BBS9: variants seen among roughly 807,000 people sequenced by gnomAD.
BBS9 encodes the protein protein PTHB1.
Under a neutral mutation model 117.7 loss-of-function variants are expected in BBS9, and 89 were observed. That is an observed-to-expected ratio of 0.76 (90% confidence interval 0.64 to 0.90). The LOEUF (loss-of-function observed/expected upper bound fraction) is 0.90. Ranked by LOEUF, BBS9 falls within the 40% of genes least tolerant of loss-of-function variation. BBS9 has a pLI of 0.00. For synonymous variants in BBS9, 379 were observed against 370.9 expected, an observed-to-expected ratio of 1.02 and a Z score of -0.25; for missense variants, 982 against 1,042.2, an observed-to-expected ratio of 0.94 and a Z score of 0.80.
At chr7:33,568,783 T>G (rs1563375174) in intron 21 of BBS9, among the ~76,000 whole-genome samples, 1 of 152,146 alleles carries the variant, frequency 6.6e-6, no homozygotes, top group Admixed American at 6.5e-5. Context: ...TCCCTTCGGG[T>G]AAGAAGGAAG....
At chr7:33,227,049 C>A (rs928397010) in intron 5 of BBS9, among the ~76,000 whole-genome samples, 2 of 151,892 alleles carry the variant, frequency 1.3e-5, no homozygotes, top group Non-Finnish European at 2.9e-5. Flanking sequence ...TATATTTTAC[C>A]ACAATTTTTA....
chr7:33,410,826 G>A (rs1830986618), intron 19 of BBS9, among the ~76,000 whole-genome samples: 2 of 151,940 alleles, frequency 1.3e-5, no homozygotes, highest in Admixed American at 6.6e-5. Flanking sequence ...ACATAGACCT[G>A]CCTCCTACAA....
chr7:33,145,591 G>T (rs1443103848), intron 1 of BBS9, among the ~76,000 whole-genome samples: 1 of 152,184 alleles, frequency 6.6e-6, no homozygotes, highest in African/African-American at 2.4e-5. Flanking sequence ...TAGCATACCA[G>T]TTCCAGGGCT....
chr7:33,170,785 C>A (rs1208593815), intron 4 of BBS9, among the ~76,000 whole-genome samples: 2 of 150,740 alleles, frequency 1.3e-5, no homozygotes, highest in South Asian at 2.1e-4. Flanking sequence ...GTACAAAAAT[C>A]ACAAGCATTC....
chr7:33,370,184 G>A (rs1822586217), intron 17 of BBS9, among the ~76,000 whole-genome samples: 1 of 152,122 alleles, frequency 6.6e-6, no homozygotes, highest in Non-Finnish European at 1.5e-5. Flanking sequence ...GTAGCTGGGT[G>A]TAGCAGCTTA....
intron 19 of BBS9, among the ~76,000 whole-genome samples, chr7:33,407,572 C>T (rs1172206915): frequency 6.6e-6 from 1 of 151,802 alleles, no homozygotes; most frequent in Non-Finnish European, 1.5e-5. Context: ...GTTTTATCTA[C>T]TTTTGGTCTT....
intron 19 of BBS9, among the ~76,000 whole-genome samples, chr7:33,500,439 C>G (rs1481626915): frequency 1.3e-5 from 2 of 152,334 alleles, no homozygotes; most frequent in East Asian, 3.9e-4. Context: ...CTTATCTTCC[C>G]TTATTCATGA....
chr7:33,520,994 TA>T (rs1848512680), intron 20 of BBS9, among the ~76,000 whole-genome samples: 2 of 151,472 alleles, frequency 1.3e-5, no homozygotes, highest in African/African-American at 4.8e-5. Context: ...TACCAGTCTT[TA>T]TTTTTTTTTG....
intron 5 of BBS9, 199 bp downstream of exon 5, chr7:33,177,790 G>T: frequency 1.7e-6 from 1 of 575,102 alleles, no homozygotes. Context: ...GATCTTGGAA[G>T]CTAATCAGGG....
intron 21 of BBS9, among the ~76,000 whole-genome samples, chr7:33,548,343 G>A (rs1377695544): frequency 6.6e-6 from 1 of 151,872 alleles, no homozygotes; most frequent in Non-Finnish European, 1.5e-5. Context: ...CTATAAATGT[G>A]AACTGCCTTT....
chr7:33,624,648 G>A (rs1420778937), intron 21 of BBS9, among the ~76,000 whole-genome samples: 1 of 152,138 alleles, frequency 6.6e-6, no homozygotes, highest in Non-Finnish European at 1.5e-5. Flanking sequence ...TAACAACAGC[G>A]CAATAGTACT....
At chr7:33,416,463 T>C (rs1380897587) in intron 19 of BBS9, among the ~76,000 whole-genome samples, 1 of 151,998 alleles carries the variant, frequency 6.6e-6, no homozygotes, top group Non-Finnish European at 1.5e-5. Flanking sequence ...AACGGCAGGC[T>C]GAGAGGTTTT....
At chr7:33,146,818 T>A (rs1163595115) in intron 2 of BBS9, among the ~76,000 whole-genome samples, 1 of 152,158 alleles carries the variant, frequency 6.6e-6, no homozygotes, top group Non-Finnish European at 1.5e-5. Flanking sequence ...TTTAATAATA[T>A]TTAGGTATCA....
In BBS9 at chr7:33,611,649, AT is replaced by A. The variant is rs1428778392; in HGVS notation, c.2522-23526del. On this transcript the variant is annotated intron_variant, in intron 21 of 21. Transcript: ENST00000671952. Reference sequence around the variant, plus strand: ...TTAATAATATTATTATATAAGGTATATTATATATTAAATGATTGATATTTAA... The same window carrying A: ...TTAATAATATTATTATATAAGGTATATATATATTAAATGATTGATATTTAA... Among the ~76,000 whole-genome samples the A allele has an allele frequency of 4.4e-4, 47 of 107,056 alleles. 1 individual carries two copies. Among genetic ancestry groups the A allele is most frequent in the East Asian group, 7.6e-4 (3 of 3,944 alleles). 70.2% of individuals were successfully genotyped at this position (107,056 alleles called of 152,430 possible). A position where few individuals can be genotyped will look rare whatever the true frequency, so the allele number is the denominator to read the frequency against.
chr7:33,233,695 G>T (rs998477754), intron 5 of BBS9, among the ~76,000 whole-genome samples: 2 of 152,106 alleles, frequency 1.3e-5, no homozygotes, highest in African/African-American at 4.8e-5. Flanking sequence ...TCAAACAACT[G>T]CTGATGCTAT....
chr7:33,290,670 A>G (rs1803866069), intron 9 of BBS9, among the ~76,000 whole-genome samples: 1 of 152,240 alleles, frequency 6.6e-6, no homozygotes, highest in African/African-American at 2.4e-5. Context: ...TAGCATAGTG[A>G]TATGATAGAA....
chr7:33,348,542 A>G (rs1818027043), intron 12 of BBS9, among the ~76,000 whole-genome samples: 1 of 152,150 alleles, frequency 6.6e-6, no homozygotes, highest in African/African-American at 2.4e-5. Context: ...ACATTTGTGT[A>G]TAAGATTTTG....
chr7:33,594,011 G>A (rs1468862409), intron 21 of BBS9, among the ~76,000 whole-genome samples: 1 of 152,054 alleles, frequency 6.6e-6, no homozygotes, highest in Admixed American at 6.6e-5. Flanking sequence ...AGAATACTTG[G>A]ACACCTATCA....
chr7:33,530,791 A>C (rs1850456024), intron 20 of BBS9, among the ~76,000 whole-genome samples: 1 of 152,160 alleles, frequency 6.6e-6, no homozygotes, highest in Non-Finnish European at 1.5e-5. Context: ...TTTCAAGATG[A>C]CTTTAAAATC....
Sources: allele counts gnomAD v4.1 joint callset (sites outside exome capture counted in the v4.1 genomes callset), GRCh38; gene constraint gnomAD v4.1.1; transcripts MANE v1.5; gene names NCBI Gene and HGNC (gene_info 2026-07-23, HGNC 2026-07-21).